TIAM1: variants seen among roughly 807,000 people sequenced by gnomAD.
TIAM1 encodes rho guanine nucleotide exchange factor TIAM1.
A neutral mutation model predicts 163.5 loss-of-function variants in TIAM1; 65 were observed. The ratio of observed to expected loss-of-function variants is 0.40; its 90% CI spans 0.33 to 0.49. TIAM1 has a LOEUF of 0.49. Among genes scored for constraint, TIAM1 ranks in the 20% least tolerant of loss-of-function variants. The probability of loss-of-function intolerance (pLI) is 0.77; values close to 1 mark genes in which losing one functional copy is unlikely to be tolerated. For synonymous variants in TIAM1, 833 were observed against 810.1 expected, an observed-to-expected ratio of 1.03 and a Z score of -0.48; for missense variants, 1,789 against 2,044.7, an observed-to-expected ratio of 0.87 and a Z score of 2.41.
intron 2 of TIAM1, among the ~76,000 whole-genome samples, chr21:31,377,931 G>A (rs1291878887): frequency 6.6e-6 from 1 of 151,872 alleles, no homozygotes; most frequent in African/African-American, 2.4e-5. Context: ...GAAGATGGGA[G>A]TTCAAGACCT....
intron 20 of TIAM1, among the ~76,000 whole-genome samples, chr21:31,146,416 A>C (rs963651225): frequency 6.0e-5 from 9 of 151,240 alleles, no homozygotes; most frequent in African/African-American, 1.9e-4. Context: ...AAAAAAAAAA[A>C]AAAAAAAAAC....
chr21:31,553,647 C>T (rs1302664500), intron 1 of TIAM1, among the ~76,000 whole-genome samples: 1 of 152,120 alleles, frequency 6.6e-6, no homozygotes, highest in Non-Finnish European at 1.5e-5. Flanking sequence ...GCCCCAGGAT[C>T]TGAAGAAGCC....
At chr21:31,348,322 C>A (rs1313258750), upstream of TIAM1, among the ~76,000 whole-genome samples, 2 of 152,164 alleles carry the variant, frequency 1.3e-5, no homozygotes, top group African/African-American at 4.8e-5. Flanking sequence ...CTTCATAGAA[C>A]AAAAACAAGG....
intron 14 of TIAM1, 72 bp downstream of exon 14, chr21:31,186,929 T>C: frequency 1.6e-6 from 2 of 1,272,222 alleles, no homozygotes; most frequent in Non-Finnish European, 2.3e-6. Context: ...GGCATATCTT[T>C]CTCCTTCAAA....
In TIAM1 at chr21:31,120,935, A is replaced by C; in HGVS notation, c.4307-98T>G. The stretch of plus-strand genomic sequence containing the variant: ...AGGACAGGAGAAAATAAAAACCAAA[A>C]CGGTATGCATTGAATGCCTTGATGT... On this transcript the variant is annotated intron_variant, in intron 27 of 27. Transcript: ENST00000541036. The surrounding 1 kb of genome is among the most constrained non-coding windows in gnomAD (Gnocchi z 4.2). 5 of 1,164,050 alleles carry C rather than the reference A, an allele frequency of 4.3e-6. No individual in the cohort carries two copies. The highest frequency in any genetic ancestry group is 5.9e-6 in the Non-Finnish European group (5 of 846,062). The allele number at this position is 1,164,050 out of a possible 1,614,324, so 72.1% of individuals were successfully genotyped here.
At position 31,279,144 on chromosome 21, in the gene TIAM1, CA is replaced by C. The variant is rs546601246; in HGVS notation, c.-188-2237del. On this transcript the variant is annotated intron_variant, in intron 2 of 27. Transcript: ENST00000541036. ...AAAAATATATAAATAAATAAATAAACAAAAAAAAACTATACAGAGAGAAAGG... is the reference window on the plus strand; with the variant it reads ...AAAAATATATAAATAAATAAATAAACAAAAAAAACTATACAGAGAGAAAGG... 2.7e-4 allele frequency among the ~76,000 whole-genome samples: 41 copies of C among 150,574 alleles called. No homozygotes were observed. The South Asian group carries it at 5.7e-3, about 21-fold the overall frequency.
intron 2 of TIAM1, among the ~76,000 whole-genome samples, chr21:31,437,322 G>C (rs923673677): frequency 6.6e-6 from 1 of 152,016 alleles, no homozygotes; most frequent in Non-Finnish European, 1.5e-5. Flanking sequence ...GTGCAACATG[G>C]TGAAACCCAT....
At chr21:31,558,274 G>A (rs2048960990) in intron 1 of TIAM1, among the ~76,000 whole-genome samples, 2 of 152,270 alleles carry the variant, frequency 1.3e-5, no homozygotes, top group Admixed American at 6.5e-5. Context: ...GGACCCGACC[G>A]CCCGGATGAG....
intron 2 of TIAM1, among the ~76,000 whole-genome samples, chr21:31,295,020 T>A (rs2074180509): frequency 6.6e-6 from 1 of 152,226 alleles, no homozygotes; most frequent in Non-Finnish European, 1.5e-5. Context: ...CTAGTTTTCA[T>A]CTAAAAATTT....
intron 6 of TIAM1, among the ~76,000 whole-genome samples, chr21:31,244,523 G>A (rs1041019914): frequency 5.3e-5 from 8 of 152,172 alleles, no homozygotes; most frequent in East Asian, 1.9e-4. Context: ...TCAGGAGTTC[G>A]AGACCAGCCT....
chr21:31,120,275 C>A lies in TIAM1; in HGVS notation c.*93G>T, dbSNP rs28927671. Reference sequence around the variant, plus strand: ...CAAAACCGTGTGTGCAAGAGCGCGACCTAAGGGGACATTCTTGTCGACGGT... The same window carrying A: ...CAAAACCGTGTGTGCAAGAGCGCGAACTAAGGGGACATTCTTGTCGACGGT... On this transcript the variant is annotated 3_prime_UTR_variant, in exon 28 of 28. Transcript: ENST00000541036. The surrounding 1 kb of genome is among the most constrained non-coding windows in gnomAD (Gnocchi z 4.2). 9,604 of 1,321,874 alleles carry A rather than the reference C, an allele frequency of 7.3e-3. 49 individuals carry two copies. The highest frequency in any genetic ancestry group is 9.3e-3 in the South Asian group (615 of 66,358). 81.9% of individuals were successfully genotyped at this position (1,321,874 alleles called of 1,614,324 possible). A position where few individuals can be genotyped will look rare whatever the true frequency, so the allele number is the denominator to read the frequency against.
At chr21:31,277,422 G>C (rs1347722878) in intron 2 of TIAM1, among the ~76,000 whole-genome samples, 2 of 152,232 alleles carry the variant, frequency 1.3e-5, no homozygotes, top group African/African-American at 4.8e-5. Flanking sequence ...AAGGCAGGCG[G>C]ATCACCTGAG....
At chr21:31,187,196 G>C (rs2085343890) in intron 13 of TIAM1, 109 bp from the exon 14 acceptor site, 1 of 991,882 alleles carries the variant, frequency 1.0e-6, no homozygotes, top group African/African-American at 1.6e-5. Flanking sequence ...TGTCATTATA[G>C]TTTGGACTGA....
rs1569324303 is a variant in TIAM1 at position 31,430,228 on chromosome 21, AT to A, written c.-369+33754del. 4.0e-3 allele frequency among the ~76,000 whole-genome samples: 222 copies of A among 55,494 alleles called. 3 individuals are homozygous for A. Among genetic ancestry groups the A allele is most frequent in the Middle Eastern group, 9.8e-3 (1 of 102 alleles). The allele number at this position is 55,494 out of a possible 152,430, so 36.4% of individuals were successfully genotyped here. On this transcript the variant is annotated intron_variant, in intron 2 of 28. Coordinates refer to the TIAM1 transcript ENST00000286827. The stretch of plus-strand genomic sequence containing the variant: ...TCTCAAAGAAAAAAAAAAAAAAAAT[AT>A]ATATATATATATATATATACACACA...
intron 2 of TIAM1, among the ~76,000 whole-genome samples, chr21:31,319,477 T>TA (rs1402292194): frequency 2.0e-5 from 3 of 151,952 alleles, no homozygotes; most frequent in African/African-American, 7.3e-5. Context: ...TATTTTCCAT[T>TA]AAAAAAATTA....
intron 1 of TIAM1, among the ~76,000 whole-genome samples, chr21:31,515,883 G>C (rs371764229): frequency 6.8e-6 from 1 of 147,456 alleles, no homozygotes; most frequent in East Asian, 2.0e-4. Flanking sequence ...CAAGGCAGGC[G>C]GATCACCTGA....
chr21:31,389,280 A>C (rs1018036074), intron 2 of TIAM1, among the ~76,000 whole-genome samples: 1 of 152,060 alleles, frequency 6.6e-6, no homozygotes, highest in Non-Finnish European at 1.5e-5. Context: ...CAGTGGCACG[A>C]TCTCAGCTTA....
intron 4 of TIAM1, among the ~76,000 whole-genome samples, chr21:31,264,024 G>C (rs2072622309): frequency 6.6e-6 from 1 of 152,156 alleles, no homozygotes; most frequent in Non-Finnish European, 1.5e-5. Flanking sequence ...CAGAAGAGAT[G>C]GGTTTAAAAT....
chr21:31,124,287 AG>A (rs1750438471), intron 27 of TIAM1: 3 of 422,204 alleles, frequency 7.1e-6, no homozygotes, highest in African/African-American at 4.1e-5. Flanking sequence ...AGGAGAAGGG[AG>A]GCAAAGGGAA....
Sources: gnomAD v4.1 joint callset for allele counts (sites outside exome capture counted in the v4.1 genomes callset) on GRCh38, gnomAD v4.1.1 for gene constraint, Gnocchi (gnomAD v3.1) non-coding constraint, MANE v1.5 for transcripts, NCBI Gene and HGNC (gene_info 2026-07-23, HGNC 2026-07-21) for gene names.